IL1RAP: variants seen among roughly 807,000 people sequenced by gnomAD.
IL1RAP encodes interleukin 1 receptor accessory protein.
IL1RAP carries 35 observed loss-of-function variants against 60.7 expected under a neutral mutation model. The observed-to-expected ratio is 0.58, with a 90% CI of 0.44 to 0.76. The LOEUF (loss-of-function observed/expected upper bound fraction) is 0.76, where lower values mean the gene tolerates loss of function less well. Among genes scored for constraint, IL1RAP ranks in the 30% least tolerant of loss-of-function variants. The pLI is 0.00. For missense variants in IL1RAP, 572 were observed against 693.9 expected, an observed-to-expected ratio of 0.82 and a Z score of 1.97; for synonymous variants, 268 against 250.9, an observed-to-expected ratio of 1.07 and a Z score of -0.64.
At chr3:190,634,203 A>G (rs1301315457) in intron 9 of IL1RAP, among the ~76,000 whole-genome samples, 1 of 150,840 alleles carries the variant, frequency 6.6e-6, no homozygotes, top group Non-Finnish European at 1.5e-5. Flanking sequence ...AAACCCTCAT[A>G]TTGTCATGAT....
Position 190,650,751 on chromosome 3 carries a change from A to G in IL1RAP, c.*2046A>G, listed in dbSNP as rs914357191. ...ATATTTTTCCCTATTAGAAACCACA[A>G]TTACTCCCTCTATTAACCCTTCACT... On this transcript the variant is annotated 3_prime_UTR_variant, in exon 12 of 12. Transcript: ENST00000447382. 2.5e-5 allele frequency: 25 copies of G among 983,266 alleles called. No individual in the cohort carries two copies. The highest frequency in any genetic ancestry group is 6.2e-5 in the Admixed American group (1 of 16,254). 60.9% of individuals were successfully genotyped at this position (983,266 alleles called of 1,614,324 possible). A position where few individuals can be genotyped will look rare whatever the true frequency, so the allele number is the denominator to read the frequency against.
rs200421708 is a variant in IL1RAP at position 190,622,796 on chromosome 3, A to AT, written c.704-547dup. ...CCGAACCTCATTGTTTAGGGTTTTT[A>AT]TGGAGGTTCCGTCACACAGGCATTA... is the stretch of plus-strand genomic sequence containing the variant. On this transcript the variant is annotated intron_variant, in intron 6 of 11. Transcript: ENST00000447382. 7.9e-4 allele frequency among the ~76,000 whole-genome samples: 120 copies of AT among 152,202 alleles called. 1 individual carries two copies. In the East Asian group the frequency reaches 0.015, roughly 19 times the overall value.
chr3:190,519,705 A>G (rs765006492), intron 1 of IL1RAP, among the ~76,000 whole-genome samples: 1 of 152,080 alleles, frequency 6.6e-6, no homozygotes, highest in Non-Finnish European at 1.5e-5. Context: ...TCTCCAGCTC[A>G]CAAAACCCCT....
intron 9 of IL1RAP, among the ~76,000 whole-genome samples, chr3:190,635,782 G>A (rs978947553): frequency 2.6e-5 from 4 of 152,002 alleles, no homozygotes; most frequent in Admixed American, 2.6e-4. Context: ...TAAAAAATTA[G>A]AAAAAAAGTC....
In IL1RAP at chr3:190,629,657, T is replaced by C. The variant is rs532680154; in HGVS notation, c.1051+159T>C. 93 of 1,389,986 alleles carry C rather than the reference T, an allele frequency of 6.7e-5. No individual in the cohort carries two copies. The African/African-American group carries it at 8.5e-4, about 13-fold the overall frequency. 86.1% of individuals were successfully genotyped at this position (1,389,986 alleles called of 1,614,324 possible). A position where few individuals can be genotyped will look rare whatever the true frequency, so the allele number is the denominator to read the frequency against. On this transcript the variant is annotated intron_variant, in intron 9 of 11. Transcript: ENST00000447382. ...AACTTAAATGAAAAATATGAAAGTTTTCATCTATGTAAGATACTCAAAATA... is the reference window on the plus strand; with the variant it reads ...AACTTAAATGAAAAATATGAAAGTTCTCATCTATGTAAGATACTCAAAATA...
chr3:190,632,617 A>G (rs927068113), intron 9 of IL1RAP, among the ~76,000 whole-genome samples: 1 of 152,212 alleles, frequency 6.6e-6, no homozygotes, highest in African/African-American at 2.4e-5. Flanking sequence ...GTATCAATTT[A>G]TTCTATGCTT....
At chr3:190,596,864 C>T (rs1368632065) in intron 3 of IL1RAP, among the ~76,000 whole-genome samples, 1 of 152,168 alleles carries the variant, frequency 6.6e-6, no homozygotes, top group South Asian at 2.1e-4. Flanking sequence ...ACATGACACT[C>T]CAGCCTGTTG....
intron 1 of IL1RAP, among the ~76,000 whole-genome samples, chr3:190,542,374 C>T (rs997534): frequency 0.8 from 121,959 of 152,058 alleles, 49,091 homozygotes; most frequent in Middle Eastern, 0.83. Flanking sequence ...CTTCACCTTT[C>T]TGCACCTAAT....
downstream of IL1RAP, chr3:190,655,834 T>G: frequency 7.8e-7 from 1 of 1,286,906 alleles, no homozygotes; most frequent in Admixed American, 2.0e-5. Context: ...AATAACGAAC[T>G]GGAATATATG....
At chr3:190,564,459 C>T (rs1261504751) in intron 3 of IL1RAP, 106 bp downstream of exon 3, 13 of 771,554 alleles carry the variant, frequency 1.7e-5, no homozygotes, top group Non-Finnish European at 2.8e-5. Flanking sequence ...TTATTCATGT[C>T]CATTGTCTTC....
At chr3:190,604,682 C>T (rs28672094) in intron 4 of IL1RAP, among the ~76,000 whole-genome samples, 12,903 of 152,108 alleles carry the variant, frequency 0.085, 1,126 homozygotes, top group African/African-American at 0.22. Flanking sequence ...TATTAATCCC[C>T]TCTCACCACA....
At chr3:190,583,282 G>C (rs1387711933) in intron 3 of IL1RAP, among the ~76,000 whole-genome samples, 1 of 152,182 alleles carries the variant, frequency 6.6e-6, no homozygotes, top group Non-Finnish European at 1.5e-5. Flanking sequence ...GCAGTTAGTA[G>C]GTGCTCAGTA....
intron 3 of IL1RAP, among the ~76,000 whole-genome samples, chr3:190,588,872 A>G (rs1323440034): frequency 6.6e-6 from 1 of 152,200 alleles, no homozygotes; most frequent in East Asian, 1.9e-4. Context: ...CCCCTGACAT[A>G]CCAAGAGAAA....
chr3:190,650,053 C>A lies in IL1RAP; in HGVS notation c.*1348C>A. 1.6e-6 allele frequency: 1 copy of A among 626,192 alleles called. No individual in the cohort carries two copies. Among genetic ancestry groups the A allele is most frequent in the Non-Finnish European group, 2.0e-6 (1 of 503,214 alleles). The allele number at this position is 626,192 out of a possible 1,614,324, so 38.8% of individuals were successfully genotyped here. On this transcript the variant is annotated 3_prime_UTR_variant, in exon 12 of 12. Transcript: ENST00000447382. Reference sequence around the variant, plus strand: ...ATATCTGTGTATATAAATCCACATGCACATGAAATATATATATATATATAA... The same window carrying A: ...ATATCTGTGTATATAAATCCACATGAACATGAAATATATATATATATATAA...
rs545683500 is a variant in IL1RAP, at chr3:190,628,211, A to G, written c.902+762A>G. Among the ~76,000 whole-genome samples, 13 of 152,332 alleles carry G rather than the reference A, an allele frequency of 8.5e-5. No homozygotes were observed. In the South Asian group the frequency reaches 2.7e-3, roughly 32 times the overall value. ...ATGAAGCATACCATTACCGAACAGC[A>G]GTTGGCTCACTGCACCAATTAAAAA... is the stretch of plus-strand genomic sequence containing the variant. On this transcript the variant is annotated intron_variant, in intron 8 of 11. Coordinates refer to ENST00000447382, the MANE Select transcript of IL1RAP (RefSeq NM_002182.4).
rs1449392326 is a variant in IL1RAP at position 190,582,970 on chromosome 3, C to A, written c.64+18617C>A. Among the ~76,000 whole-genome samples the A allele has an allele frequency of 3.9e-5, 6 of 152,308 alleles. No homozygotes were observed. In the South Asian group the frequency reaches 1.0e-3, roughly 26 times the overall value. On this transcript the variant is annotated intron_variant, in intron 3 of 11. Transcript: ENST00000447382. ...AAGTTCTTCCTTCACACACTCTCCT[C>A]TCAACTTTGTCCCTCACATCTTCAT...
At chr3:190,654,775 CAT>C (rs1734556024), downstream of IL1RAP, among the ~76,000 whole-genome samples, 1 of 152,206 alleles carries the variant, frequency 6.6e-6, no homozygotes. Flanking sequence ...GACTCTGGCA[CAT>C]GTTTTCAAAG....
chr3:190,600,535 T>A (rs7610144), intron 3 of IL1RAP, among the ~76,000 whole-genome samples: 12,448 of 152,230 alleles, frequency 0.082, 571 homozygotes, highest in African/African-American at 0.11. Context: ...AGTTGTGTGG[T>A]ATGCCATCCA....
chr3:190,638,331 T>G (rs1288377455), intron 9 of IL1RAP, among the ~76,000 whole-genome samples: 1 of 152,186 alleles, frequency 6.6e-6, no homozygotes, highest in African/African-American at 2.4e-5. Context: ...GGTATCTTAC[T>G]GTAGTTTAAT....
Sources: gnomAD v4.1 joint callset for allele counts (sites outside exome capture counted in the v4.1 genomes callset) on GRCh38, gnomAD v4.1.1 for gene constraint, MANE v1.5 for transcripts, NCBI Gene and HGNC (gene_info 2026-07-23, HGNC 2026-07-21) for gene names.